The following WFS1 variants were observed in gnomAD, a reference collection of about 807,000 sequenced individuals.
WFS1 encodes the protein wolframin.
Under a neutral mutation model 68.5 loss-of-function variants are expected in WFS1, and 90 were observed. That is an observed-to-expected ratio of 1.31 (90% CI 1.11 to 1.56). The LOEUF (loss-of-function observed/expected upper bound fraction) is 1.56. Among genes scored for constraint, WFS1 ranks in the 40% most tolerant of loss-of-function variants. The pLI is 0.00. For missense variants in WFS1, 1,767 were observed against 1,232.6 expected (o/e 1.43, Z -6.49); for synonymous variants, 860 against 540.7 (o/e 1.59, Z -8.19).
intron 2 of WFS1, among the ~76,000 whole-genome samples, chr4:6,277,905 G>C (rs1730046657): frequency 6.6e-6 from 1 of 152,254 alleles, no homozygotes; most frequent in African/African-American, 2.4e-5. Context: ...GGTGGTGCTG[G>C]TGCCCCCACT....
chr4:6,302,065 T>G lies in WFS1; in HGVS notation c.2270T>G (p.Leu757Arg). The change falls in exon 8 of 8, where the codon CTT becomes CGT. Residue 757 changes from leucine (L) to arginine (R), a missense_variant. Transcript: ENST00000226760. ...TSTAEEELCR[L>R]KLLAKHPCHI... ...ACGGCCGAGGAGGAGCTCTGTCGCC[T>G]TAAGCTGCTGGCCAAGCACCCCTGC... 1 of 1,612,880 alleles carries G rather than the reference T, an allele frequency of 6.2e-7. No homozygotes were observed. Among genetic ancestry groups the G allele is most frequent in the Non-Finnish European group, 8.5e-7 (1 of 1,180,022 alleles).
In WFS1 at chr4:6,277,459, G is replaced by C; in HGVS notation, c.4G>C (p.Asp2His). 6.4e-7 allele frequency: 1 copy of C among 1,553,896 alleles called. No individual in the cohort carries two copies. Among genetic ancestry groups the C allele is most frequent in the Non-Finnish European group, 8.7e-7 (1 of 1,148,790 alleles). Residue 2 changes from aspartate to histidine, a missense_variant, in exon 2 of 8, where the codon GAC becomes CAC. Transcript: ENST00000226760. Reference sequence around the variant, plus strand: ...CTTGACTTTTCTTCCAGGCAGGATGGACTCCAACACTGCTCCGCTGGGCCC... The same window carrying C: ...CTTGACTTTTCTTCCAGGCAGGATGCACTCCAACACTGCTCCGCTGGGCCC... M[D>H]SNTAPLGPSC...
At chr4:6,295,882 G>A (rs1399001287) in intron 7 of WFS1, among the ~76,000 whole-genome samples, 2 of 152,238 alleles carry the variant, frequency 1.3e-5, no homozygotes, top group East Asian at 1.9e-4. Context: ...AGCTCGCATG[G>A]TTGAATTAGA....
At chr4:6,300,529 C>G in intron 7 of WFS1, 128 bp from the exon 8 acceptor site, 5 of 1,403,652 alleles carry the variant, frequency 3.6e-6, no homozygotes, top group Non-Finnish European at 4.9e-6. Flanking sequence ...TAGGATGGGG[C>G]TGGTGATGGG....
intron 7 of WFS1, among the ~76,000 whole-genome samples, chr4:6,298,945 T>G (rs573233703): frequency 6.6e-6 from 1 of 152,340 alleles, no homozygotes; most frequent in Non-Finnish European, 1.5e-5. Flanking sequence ...ATGTGTCATG[T>G]AGCCCCTCAG....
intron 7 of WFS1, among the ~76,000 whole-genome samples, chr4:6,295,899 C>T (rs913731066): frequency 5.9e-5 from 9 of 152,228 alleles, no homozygotes; most frequent in African/African-American, 2.2e-4. Flanking sequence ...TAGATGTGTG[C>T]CTGTCTCACT....
intron 4 of WFS1, among the ~76,000 whole-genome samples, chr4:6,290,408 C>A (rs929553331): frequency 6.6e-6 from 1 of 152,238 alleles, no homozygotes; most frequent in African/African-American, 2.4e-5. Context: ...GCGGCCCACA[C>A]GGCTCATTGT....
chr4:6,283,625 C>G lies in WFS1; in HGVS notation c.233-3468C>G, dbSNP rs1239987908. Among the ~76,000 whole-genome samples, 1 of 152,222 alleles carries G rather than the reference C, an allele frequency of 6.6e-6. No homozygotes were observed. The highest frequency in any genetic ancestry group is 1.5e-5 in the Non-Finnish European group (1 of 68,050). ...CCAAGATGAGCAGAAGGTGAAAGCC[C>G]ATTTCCCAGCAGTTCTAGCACAAAC... On this transcript the variant is annotated intron_variant, in intron 2 of 7. Coordinates refer to ENST00000226760, the MANE Select transcript of WFS1 (RefSeq NM_006005.3). The surrounding 1 kb of genome is among the most constrained non-coding windows in gnomAD (Gnocchi z 5.0).
rs554071189 is a variant in WFS1 at position 6,288,901 on chromosome 4, A to G, written c.316-86A>G. 5.8e-6 allele frequency: 9 copies of G among 1,548,944 alleles called. No individual in the cohort carries two copies. In the Admixed American group the frequency reaches 1.5e-4, roughly 27 times the overall value. ...CTTCCTGGCCTGGGTGACAAAGGGAAGTGGGTGAAAGGAGGTGGGCTGGCA... is the reference window on the plus strand; with the variant it reads ...CTTCCTGGCCTGGGTGACAAAGGGAGGTGGGTGAAAGGAGGTGGGCTGGCA... On this transcript the variant is annotated intron_variant, in intron 3 of 7. Coordinates refer to ENST00000226760, the MANE Select transcript of WFS1 (RefSeq NM_006005.3).
intron 2 of WFS1, among the ~76,000 whole-genome samples, chr4:6,278,933 C>G (rs1026918632): frequency 2.0e-5 from 3 of 152,232 alleles, no homozygotes; most frequent in African/African-American, 7.2e-5. Flanking sequence ...CCGCAAAGGA[C>G]AGAGTCCAAG....
At position 6,277,650 on chromosome 4, in the gene WFS1, CCAGCATACCAGGAGCCGGGAAA is replaced by C. The variant is rs751064048; in HGVS notation, c.196_217del (p.Gln66GlufsTer70). Reference sequence around the variant, plus strand: ...CAGCGGCCCCCGCTGAACCCCAGGCCCAGCATACCAGGAGCCGGGAAAGAGCAGACGGCACCGGTAAGGGAGC... The same window carrying C: ...CAGCGGCCCCCGCTGAACCCCAGGCCGAGCAGACGGCACCGGTAAGGGAGC... On this transcript the variant is annotated frameshift_variant, in exon 2 of 8. Coordinates refer to ENST00000226760, the MANE Select transcript of WFS1 (RefSeq NM_006005.3). LOFTEE classifies it high-confidence loss of function. The C allele has an allele frequency of 6.4e-7, 1 of 1,566,060 alleles. No individual in the cohort carries two copies. Among genetic ancestry groups the C allele is most frequent in the Admixed American group, 1.9e-5 (1 of 53,182 alleles).
rs369450642 is a variant in WFS1 at position 6,300,943 on chromosome 4, G to A, written c.1148G>A (p.Arg383His). Residue 383 changes from arginine (R) to histidine (H), a missense_variant, in exon 8 of 8, where the codon CGC (arginine) becomes CAC (histidine). Physicochemically the swap from Arg to His is conservative, Grantham distance 29. Transcript: ENST00000226760. ...CGCACCCTCACCGACCTGCTGCTGCGCTTCGAGCCCAACCTGGATGTGGAG... is the reference window on the plus strand; with the variant it reads ...CGCACCCTCACCGACCTGCTGCTGCACTTCGAGCCCAACCTGGATGTGGAG... ...NFRTLTDLLL[R>H]FEPNLDVEQA... 202 of 1,613,980 alleles carry A rather than the reference G, an allele frequency of 1.3e-4. 3 individuals carry two copies. Among genetic ancestry groups the A allele is most frequent in the South Asian group, 1.0e-3 (92 of 91,078 alleles).
Position 6,301,295 on chromosome 4 carries a change from C to CAGCGTCCCGTGCCTGCTCTAT in WFS1, c.1500_1501insAGCGTCCCGTGCCTGCTCTAT (p.Asn500_Val501insSerValProCysLeuLeuTyr). On this transcript the variant is annotated inframe_insertion, in exon 8 of 8. Transcript: ENST00000226760. ...CTGTCGGCCACCTGGTCGTCCTCAA[C>CAGCGTCCCGTGCCTGCTCTAT]GTCAGCGTCCCGTGCCTGCTCTATG... 10 of 1,610,964 alleles carry CAGCGTCCCGTGCCTGCTCTAT rather than the reference C, an allele frequency of 6.2e-6. No homozygotes were observed. Among genetic ancestry groups the CAGCGTCCCGTGCCTGCTCTAT allele is most frequent in the Non-Finnish European group, 8.5e-6 (10 of 1,179,964 alleles).
chr4:6,291,337 C>A lies in WFS1; in HGVS notation c.601C>A (p.Leu201Met), dbSNP rs529580583. 6 of 1,613,248 alleles carry A rather than the reference C, an allele frequency of 3.7e-6. No homozygotes were observed. The African/African-American group carries it at 8.0e-5, about 22-fold the overall frequency. ...KKKQVAVAEL[L>M]ENVGQVNEHD... is the part of the protein sequence containing the mutation. ...GAAGCAGGTGGCCGTGGCGGAGCTG[C>A]TGGAGAATGTCGGCCAGGTCAACGA... is the stretch of plus-strand genomic sequence containing the variant. The change falls in exon 5 of 8, where the codon CTG becomes ATG. Residue 201 changes from leucine (L) to methionine (M), a missense_variant. Transcript: ENST00000226760.
At chr4:6,291,809 C>G (rs908509860) in intron 5 of WFS1, 108 bp from the exon 6 acceptor site, 1 of 1,198,718 alleles carries the variant, frequency 8.3e-7, no homozygotes, top group Admixed American at 2.0e-5. Flanking sequence ...ACGTAGGATG[C>G]CCCTGGAACT....
intron 1 of WFS1, among the ~76,000 whole-genome samples, chr4:6,271,173 C>T (rs912171269): frequency 1.3e-5 from 2 of 152,250 alleles, no homozygotes; most frequent in Non-Finnish European, 2.9e-5. Context: ...CACCTGTTTA[C>T]TTCTGTGTCC....
rs1055321513 is a variant in WFS1, at chr4:6,287,713, A to G, written c.315+538A>G. 8.5e-5 allele frequency among the ~76,000 whole-genome samples: 13 copies of G among 152,126 alleles called. No individual in the cohort carries two copies. The highest frequency in any genetic ancestry group is 1.9e-4 in the East Asian group (1 of 5,154). On this transcript the variant is annotated intron_variant, in intron 3 of 7. Coordinates refer to ENST00000226760, the MANE Select transcript of WFS1 (RefSeq NM_006005.3). This position sits in a 1 kb window ranked among gnomAD's most constrained non-coding sequence, Gnocchi z 6.4. ...CCAAGTAGACAAGACACAGAAATACAGTGATTTTGAATTCTGGTGAGGGGA... is the reference window on the plus strand; with the variant it reads ...CCAAGTAGACAAGACACAGAAATACGGTGATTTTGAATTCTGGTGAGGGGA...
At chr4:6,298,770 C>G (rs1381247535) in intron 7 of WFS1, among the ~76,000 whole-genome samples, 1 of 152,256 alleles carries the variant, frequency 6.6e-6, no homozygotes, top group Non-Finnish European at 1.5e-5. Flanking sequence ...GATAGCCAGG[C>G]TGTTGGCAGG....
intron 6 of WFS1, among the ~76,000 whole-genome samples, chr4:6,293,305 C>T (rs1271151251): frequency 6.6e-6 from 1 of 152,168 alleles, no homozygotes; most frequent in Non-Finnish European, 1.5e-5. Context: ...GCGCTGCCAG[C>T]CTGTGGTCCC....
Sources: allele counts gnomAD v4.1 joint callset (sites outside exome capture counted in the v4.1 genomes callset), GRCh38; gene constraint gnomAD v4.1.1; non-coding constraint Gnocchi (gnomAD v3.1); transcripts MANE v1.5; gene names NCBI Gene and HGNC (gene_info 2026-07-23, HGNC 2026-07-21).